Variants in VPS33B observed in about 807,000 individuals in gnomAD.
VPS33B encodes the protein VPS33B late endosome and lysosome associated.
A neutral mutation model predicts 95.3 loss-of-function variants in VPS33B; 80 were observed. The ratio of observed to expected loss-of-function variants is 0.84; its 90% confidence interval spans 0.70 to 1.01. The LOEUF (loss-of-function observed/expected upper bound fraction) is 1.01. Among genes scored for constraint, VPS33B ranks in the 50% least tolerant of loss-of-function variants. VPS33B has a pLI of 0.00. For missense variants in VPS33B, 715 were observed against 773.4 expected (o/e 0.92, Z 0.90); for synonymous variants, 280 against 280.4 (o/e 1.00, Z 0.01).
chr15:91,006,648 T>G lies in VPS33B; in HGVS notation c.778+4A>C. 1 of 1,614,190 alleles carries G rather than the reference T, an allele frequency of 6.2e-7. No homozygotes were observed. Among genetic ancestry groups the G allele is most frequent in the Non-Finnish European group, 8.5e-7 (1 of 1,180,018 alleles). On this transcript the variant is annotated splice_donor_region_variant and intron_variant, in intron 10 of 22. Coordinates refer to ENST00000333371, the MANE Select transcript of VPS33B (RefSeq NM_018668.5). This position sits in a 1 kb window ranked among gnomAD's most constrained non-coding sequence, Gnocchi z 5.4. Reference sequence around the variant, plus strand: ...GCCAAGATGCAGAGGACCATAGCACTTACCACACTTGATGCGGAAGGTGTC... The same window carrying G: ...GCCAAGATGCAGAGGACCATAGCACGTACCACACTTGATGCGGAAGGTGTC...
intron 1 of VPS33B, among the ~76,000 whole-genome samples, chr15:91,021,190 G>A (rs1239987180): frequency 6.6e-6 from 1 of 152,190 alleles, no homozygotes; most frequent in East Asian, 1.9e-4. Flanking sequence ...TCACTAGGTA[G>A]TGTTGAACAA....
rs1272281030 is a variant in VPS33B at position 91,017,365 on chromosome 15, T to TAAAAAAAAAAAAAAAAAA, written c.178-342_178-341insTTTTTTTTTTTTTTTTTT. On this transcript the variant is annotated intron_variant, in intron 2 of 22. Coordinates refer to ENST00000333371, the MANE Select transcript of VPS33B (RefSeq NM_018668.5). ...TAACAAGACTCCATCTCTACAAAATTAAATATATATATATATATATATATA... is the reference window on the plus strand; with the variant it reads ...TAACAAGACTCCATCTCTACAAAATTAAAAAAAAAAAAAAAAAAAAATATATATATATATATATATATA... Among the ~76,000 whole-genome samples the TAAAAAAAAAAAAAAAAAA allele has an allele frequency of 8.2e-4, 14 of 17,002 alleles. 4 individuals are homozygous for TAAAAAAAAAAAAAAAAAA. The highest frequency in any genetic ancestry group is 2.2e-3 in the African/African-American group (5 of 2,314). 11.2% of individuals were successfully genotyped at this position (17,002 alleles called of 152,430 possible).
intron 1 of VPS33B, among the ~76,000 whole-genome samples, chr15:91,021,440 C>G (rs561559645): frequency 2.6e-5 from 4 of 152,340 alleles, no homozygotes; most frequent in Non-Finnish European, 5.9e-5. Flanking sequence ...ATTCCCACTG[C>G]TACCAATTTT....
In VPS33B at chr15:91,015,918, C is replaced by T. The variant is rs147513193; in HGVS notation, c.239+1045G>A. The stretch of plus-strand genomic sequence containing the variant: ...TCAAACTGGGGTACATGGATATATT[C>T]TCCATGTATCCAGGAGAATTTTTTC... On this transcript the variant is annotated intron_variant, in intron 3 of 22. Transcript: ENST00000333371. The surrounding 1 kb of genome is among the most constrained non-coding windows in gnomAD (Gnocchi z 4.7). 5.9e-5 allele frequency among the ~76,000 whole-genome samples: 9 copies of T among 152,110 alleles called. No individual in the cohort carries two copies. Among genetic ancestry groups the T allele is most frequent in the African/African-American group, 2.2e-4 (9 of 41,470 alleles).
intron 18 of VPS33B, among the ~76,000 whole-genome samples, 170 bp downstream of exon 18, chr15:91,001,877 TTAC>T (rs2040448496): frequency 2.0e-5 from 3 of 152,338 alleles, no homozygotes; most frequent in African/African-American, 7.2e-5. Flanking sequence ...TGGTAAGTGT[TTAC>T]TATGTGGAAA....
chr15:91,001,960 T>C, intron 18 of VPS33B, 90 bp downstream of exon 18: 1 of 1,599,290 alleles, frequency 6.3e-7, no homozygotes, highest in East Asian at 2.2e-5. Context: ...GTCCACCTTC[T>C]CCAATTCATT....
At position 90,999,181 on chromosome 15, in the gene VPS33B, G is replaced by C; in HGVS notation, c.1775-127C>G. The C allele has an allele frequency of 1.2e-6, 1 of 860,734 alleles. No homozygotes were observed. The highest frequency in any genetic ancestry group is 1.4e-5 in the South Asian group (1 of 70,098). 53.3% of individuals were successfully genotyped at this position (860,734 alleles called of 1,614,324 possible). On this transcript the variant is annotated intron_variant, in intron 22 of 22. Transcript: ENST00000333371. This position sits in a 1 kb window ranked among gnomAD's most constrained non-coding sequence, Gnocchi z 5.1. ...CACCAGTTTATAGACAGAGACGTGA[G>C]TGCCATGCTCTTGGGCACCACTGCT...
In VPS33B at chr15:91,005,276, T is replaced by C; in HGVS notation, c.1105+104A>G. On this transcript the variant is annotated intron_variant, in intron 14 of 22. Transcript: ENST00000333371. This position sits in a 1 kb window ranked among gnomAD's most constrained non-coding sequence, Gnocchi z 6.4. ...AGGAACCAGCATTCCACATAGCCAG[T>C]GTCAGCTGGAAAGAGCCAGAGAACA... The C allele has an allele frequency of 6.2e-7, 1 of 1,612,730 alleles. No homozygotes were observed.
chr15:91,013,305 G>T lies in VPS33B; in HGVS notation c.357+499C>A, dbSNP rs551100542. ...ATGTTAATGAATTGAGGATGCGTTAGTGACAGGTATTAGGTTCAATCACAC... is the reference window on the plus strand; with the variant it reads ...ATGTTAATGAATTGAGGATGCGTTATTGACAGGTATTAGGTTCAATCACAC... On this transcript the variant is annotated intron_variant, in intron 5 of 22. Transcript: ENST00000333371. The surrounding 1 kb of genome is among the most constrained non-coding windows in gnomAD (Gnocchi z 4.5). Among the ~76,000 whole-genome samples the T allele has an allele frequency of 1.3e-5, 2 of 152,358 alleles. No individual in the cohort carries two copies. Among genetic ancestry groups the T allele is most frequent in the Non-Finnish European group, 2.9e-5 (2 of 68,036 alleles).
chr15:91,016,824 CAGA>C (rs2040941657), intron 3 of VPS33B, 136 bp downstream of exon 3: 9 of 824,850 alleles, frequency 1.1e-5, no homozygotes, highest in East Asian at 4.9e-5. Flanking sequence ...AACAAAACAA[CAGA>C]AGATTAACCT....
chr15:91,000,267 C>CTA lies in VPS33B; in HGVS notation c.1581+222_1581+223insTA, dbSNP rs1424411178. Among the ~76,000 whole-genome samples, 3 of 152,152 alleles carry CTA rather than the reference C, an allele frequency of 2.0e-5. No individual in the cohort carries two copies. Reference sequence around the variant, plus strand: ...CAAAAATTAGCTGGGTGCAGTGGCACATGCCTGTAGTCCCAGCTACTTCGG... The same window carrying CTA: ...CAAAAATTAGCTGGGTGCAGTGGCACTAATGCCTGTAGTCCCAGCTACTTCGG... On this transcript the variant is annotated intron_variant, in intron 20 of 22. Transcript: ENST00000333371. This position sits in a 1 kb window ranked among gnomAD's most constrained non-coding sequence, Gnocchi z 4.9.
At chr15:91,016,166 G>T (rs1032059878) in intron 3 of VPS33B, among the ~76,000 whole-genome samples, 1 of 152,092 alleles carries the variant, frequency 6.6e-6, no homozygotes, top group African/African-American at 2.4e-5. Context: ...GGACAGGAGA[G>T]AATTTCAGGC....
At chr15:91,014,042 ACT>A (rs2040852914) in intron 4 of VPS33B, among the ~76,000 whole-genome samples, 171 bp from the exon 5 acceptor site, 1 of 151,912 alleles carries the variant, frequency 6.6e-6, no homozygotes, top group African/African-American at 2.4e-5. Context: ...ACATGGTGAA[ACT>A]CTGTCTCTAC....
chr15:91,022,474 G>A lies in VPS33B; in HGVS notation c.-225C>T. 1 of 474,564 alleles carries A rather than the reference G, an allele frequency of 2.1e-6. No homozygotes were observed. The highest frequency in any genetic ancestry group is 3.8e-6 in the Non-Finnish European group (1 of 263,288). The allele number at this position is 474,564 out of a possible 1,614,324, so 29.4% of individuals were successfully genotyped here. A position where few individuals can be genotyped will look rare whatever the true frequency, so the allele number is the denominator to read the frequency against. ...GCCTTGTCTCAGACCTGCAGCCACC[G>A]TGTCTCGACCCTCCCTCCCTGATCC... On this transcript the variant is annotated 5_prime_UTR_variant, in exon 1 of 23. It adds an upstream start codon to the 5' untranslated region. Transcript: ENST00000333371.
chr15:91,003,076 A>G lies in VPS33B; in HGVS notation c.1272+9T>C. 1.9e-6 allele frequency: 3 copies of G among 1,614,102 alleles called. No homozygotes were observed. Among genetic ancestry groups the G allele is most frequent in the Non-Finnish European group, 2.5e-6 (3 of 1,179,968 alleles). Reference sequence around the variant, plus strand: ...AAGTTCCCTCAAGAATACATTCTCCAGGCCTTACCTGCAGATACTGTGTTT... The same window carrying G: ...AAGTTCCCTCAAGAATACATTCTCCGGGCCTTACCTGCAGATACTGTGTTT... On this transcript the variant is annotated intron_variant, in intron 17 of 22. Transcript: ENST00000333371.
rs372520626 is a variant in VPS33B, at chr15:91,002,156, G to C, written c.1299C>G (p.Thr433=). The change falls in exon 18 of 23, where the codon ACC becomes ACG. Residue 433 remains threonine, a synonymous_variant. Coordinates refer to ENST00000333371, the MANE Select transcript of VPS33B (RefSeq NM_018668.5). This position sits in a 1 kb window ranked among gnomAD's most constrained non-coding sequence, Gnocchi z 4.7. ...GCCCAGCTCTTCGCAGATTGGAGAA[G>C]GTTAGCAGGTGCTCAGGGCCATAGC... is the stretch of plus-strand genomic sequence containing the variant. ...LQSYGPEHLL[T]FSNLRRAGLL... is the part of the protein sequence containing the mutation. 5 of 1,614,080 alleles carry C rather than the reference G, an allele frequency of 3.1e-6. No homozygotes were observed. The highest frequency in any genetic ancestry group is 4.2e-6 in the Non-Finnish European group (5 of 1,180,036).
In VPS33B at chr15:91,022,151, G is replaced by T; in HGVS notation, c.96+3C>A. The T allele has an allele frequency of 6.4e-7, 1 of 1,559,424 alleles. No individual in the cohort carries two copies. Among genetic ancestry groups the T allele is most frequent in the South Asian group, 1.2e-5 (1 of 84,744 alleles). ...GCGATAAAGGCGTCAGGCAAGCACT[G>T]ACCTGCTCCAGCAGATAGATGAGCT... On this transcript the variant is annotated splice_donor_region_variant and intron_variant, in intron 1 of 22. Transcript: ENST00000333371.
In VPS33B at chr15:91,005,973, A is replaced by G; in HGVS notation, c.939T>C (p.Asp313=). ...QKARNLQAQY[D]RRRGMDIKQM... Reference sequence around the variant, plus strand: ...AGAGGAGCAGGGCTTGGAGCCTCACATCATACTGGGCCTGCAAGTTCCGGG... The same window carrying G: ...AGAGGAGCAGGGCTTGGAGCCTCACGTCATACTGGGCCTGCAAGTTCCGGG... The change falls in exon 12 of 23, where the codon GAT becomes GAC. Residue 313 remains aspartate (D), a splice_region_variant and synonymous_variant. Transcript: ENST00000333371. This position sits in a 1 kb window ranked among gnomAD's most constrained non-coding sequence, Gnocchi z 6.4. 6.2e-7 allele frequency: 1 copy of G among 1,614,092 alleles called. No homozygotes were observed. Among genetic ancestry groups the G allele is most frequent in the East Asian group, 2.2e-5 (1 of 44,872 alleles).
chr15:91,016,631 G>A (rs1035532307), intron 3 of VPS33B, among the ~76,000 whole-genome samples: 1 of 152,032 alleles, frequency 6.6e-6, no homozygotes, highest in African/African-American at 2.4e-5. Context: ...AGATCCGCCC[G>A]CCTCGGCCTC....
Sources: gnomAD v4.1 joint callset for allele counts (sites outside exome capture counted in the v4.1 genomes callset) on GRCh38, gnomAD v4.1.1 for gene constraint, Gnocchi (gnomAD v3.1) non-coding constraint, MANE v1.5 for transcripts, NCBI Gene and HGNC (gene_info 2026-07-23, HGNC 2026-07-21) for gene names.